The following PRR11 variants were observed in gnomAD, a reference collection of about 807,000 sequenced individuals.
The protein encoded by PRR11 is proline-rich protein 11.
Under a neutral mutation model 45.6 loss-of-function variants are expected in PRR11, and 30 were observed. The ratio of observed to expected loss-of-function variants is 0.66; its 90% CI spans 0.49 to 0.89. The LOEUF (loss-of-function observed/expected upper bound fraction) is 0.89, where lower values mean the gene tolerates loss of function less well. Ranked by LOEUF, PRR11 falls within the 40% of genes least tolerant of loss-of-function variation. The probability of loss-of-function intolerance (pLI) is 0.00; values close to 1 mark genes in which losing one functional copy is unlikely to be tolerated. For missense variants in PRR11, 373 were observed against 424.8 expected (o/e 0.88, Z 1.07); for synonymous variants, 128 against 153.5 (o/e 0.83, Z 1.23).
intron 2 of PRR11, among the ~76,000 whole-genome samples, chr17:59,173,359 G>T (rs755896729): frequency 3.3e-5 from 5 of 152,152 alleles, no homozygotes; most frequent in Admixed American, 6.5e-5. Context: ...CCACTTTCAC[G>T]CTGTGGAAGG....
intron 1 of PRR11, among the ~76,000 whole-genome samples, chr17:59,157,572 C>T (rs141036696): frequency 4.4e-4 from 67 of 152,112 alleles, no homozygotes; most frequent in Non-Finnish European, 8.4e-4. Flanking sequence ...TGTGGTGGCA[C>T]GCCCCTATAA....
rs8067347 is a variant in PRR11, at chr17:59,201,959, A to G, written c.*328A>G. On this transcript the variant is annotated 3_prime_UTR_variant, in exon 10 of 10. Transcript: ENST00000262293. ...GCACTCCAGCCTGAGCAACAAGAGC[A>G]AAACAAAAACAAACAAACAAACAAA... The G allele has an allele frequency of 0.95, 218,540 of 229,170 alleles. 104,866 individuals carry two copies. The highest frequency in any genetic ancestry group is 0.99 in the African/African-American group (44,589 of 44,922). 14.2% of individuals were successfully genotyped at this position (229,170 alleles called of 1,614,324 possible).
chr17:59,158,459 G>T (rs2046636432), intron 1 of PRR11, among the ~76,000 whole-genome samples: 1 of 152,130 alleles, frequency 6.6e-6, no homozygotes, highest in African/African-American at 2.4e-5. Flanking sequence ...CCATGTTTAT[G>T]TTAGAAAACA....
In PRR11 at chr17:59,177,140, T is replaced by G. The variant is rs533568355; in HGVS notation, c.128+7260T>G. On this transcript the variant is annotated intron_variant, in intron 2 of 9. Transcript: ENST00000262293. Reference sequence around the variant, plus strand: ...CCCGCTGTCCCAGGGTATTGGATATTGACAGATAGGAGGAAGCAAACCACT... The same window carrying G: ...CCCGCTGTCCCAGGGTATTGGATATGGACAGATAGGAGGAAGCAAACCACT... The G allele has an allele frequency of 7.3e-6, 4 of 550,854 alleles. No individual in the cohort carries two copies. In the African/African-American group the frequency reaches 7.6e-5, roughly 11 times the overall value. The allele number at this position is 550,854 out of a possible 1,614,324, so 34.1% of individuals were successfully genotyped here.
At chr17:59,181,489 G>A in intron 2 of PRR11, 5 of 1,111,560 alleles carry the variant, frequency 4.5e-6, no homozygotes, top group South Asian at 2.4e-5. Context: ...GATTGGAGGT[G>A]CTCTCTGGGG....
At chr17:59,176,479 T>C (rs1307782413) in intron 2 of PRR11, among the ~76,000 whole-genome samples, 5 of 152,122 alleles carry the variant, frequency 3.3e-5, no homozygotes, top group Non-Finnish European at 7.4e-5. Flanking sequence ...AACTGTTGCC[T>C]CTGTCATGGG....
In PRR11 at chr17:59,193,373, G is replaced by A. The variant is rs147034729; in HGVS notation, c.403-119G>A. On this transcript the variant is annotated intron_variant, in intron 4 of 9. Coordinates refer to ENST00000262293, the MANE Select transcript of PRR11 (RefSeq NM_018304.4). ...ATGATTATAAATGAGAAAATATCAG[G>A]AAGCACATGGTACGCTGAGAAAGCA... 5.5e-5 allele frequency: 68 copies of A among 1,230,202 alleles called. 1 individual carries two copies. In the East Asian group the frequency reaches 1.4e-3, roughly 25 times the overall value. The allele number at this position is 1,230,202 out of a possible 1,614,324, so 76.2% of individuals were successfully genotyped here.
rs1199923647 is a variant in PRR11, at chr17:59,191,350, C to T, written c.403-2142C>T. On this transcript the variant is annotated intron_variant, in intron 4 of 9. Transcript: ENST00000262293. ...TCTCCTGCCTCAGCCTCCCAAGTAGCTGGGATTACAGGTGCCCACCACCAC... is the reference window on the plus strand; with the variant it reads ...TCTCCTGCCTCAGCCTCCCAAGTAGTTGGGATTACAGGTGCCCACCACCAC... Among the ~76,000 whole-genome samples, 4 of 151,754 alleles carry T rather than the reference C, an allele frequency of 2.6e-5. No homozygotes were observed. In the East Asian group the frequency reaches 7.7e-4, roughly 29 times the overall value.
intron 4 of PRR11, among the ~76,000 whole-genome samples, chr17:59,190,161 GGGA>G (rs1419556494): frequency 6.6e-6 from 1 of 152,152 alleles, no homozygotes; most frequent in Non-Finnish European, 1.5e-5. Flanking sequence ...CAATGTACCA[GGGA>G]GGAGGATGAT....
intron 4 of PRR11, among the ~76,000 whole-genome samples, chr17:59,192,604 G>GCT: frequency 6.6e-6 from 1 of 152,128 alleles, no homozygotes; most frequent in South Asian, 2.1e-4. Context: ...GGCTGTCTTC[G>GCT]CTCTATGTCT....
chr17:59,186,687 A>G (rs1346125052), intron 4 of PRR11, among the ~76,000 whole-genome samples: 6 of 152,084 alleles, frequency 3.9e-5, no homozygotes. Context: ...GAGCCATGGC[A>G]CCTGGCTTGT....
chr17:59,192,520 C>T (rs1363611234), intron 4 of PRR11, among the ~76,000 whole-genome samples: 1 of 152,144 alleles, frequency 6.6e-6, no homozygotes, highest in South Asian at 2.1e-4. Context: ...AATTTACTTT[C>T]TCACAGTCTG....
At chr17:59,195,665 T>G (rs1447435323) in intron 7 of PRR11, among the ~76,000 whole-genome samples, 1 of 152,222 alleles carries the variant, frequency 6.6e-6, no homozygotes, top group Non-Finnish European at 1.5e-5. Flanking sequence ...GTTAACATAC[T>G]GCTGTTTATC....
intron 2 of PRR11, among the ~76,000 whole-genome samples, chr17:59,175,415 A>G (rs949544012): frequency 6.6e-6 from 1 of 152,220 alleles, no homozygotes; most frequent in Non-Finnish European, 1.5e-5. Context: ...ATTTGAGGCC[A>G]GGAGTTTGAG....
chr17:59,183,054 A>G (rs908476750), intron 2 of PRR11, among the ~76,000 whole-genome samples: 3 of 152,062 alleles, frequency 2.0e-5, no homozygotes, highest in Non-Finnish European at 4.4e-5. Context: ...AGTCCTTCCA[A>G]TCAGGAAGGT....
At chr17:59,190,871 G>A (rs544211291) in intron 4 of PRR11, among the ~76,000 whole-genome samples, 5 of 152,216 alleles carry the variant, frequency 3.3e-5, no homozygotes, top group Non-Finnish European at 5.9e-5. Flanking sequence ...ACCAGATCAC[G>A]TGGACTGAGG....
Position 59,178,011 on chromosome 17 carries a change from A to AC in PRR11, c.129-7043_129-7042insC, listed in dbSNP as rs2046758219. Among the ~76,000 whole-genome samples the AC allele has an allele frequency of 2.6e-5, 4 of 151,808 alleles. No individual in the cohort carries two copies. The South Asian group carries it at 8.3e-4, about 32-fold the overall frequency. ...AGCTAGATACTGTCTCGAAAAAAAA[A>AC]AAAAAACAGGTGGGCACCAAGACTC... On this transcript the variant is annotated intron_variant, in intron 2 of 9. Transcript: ENST00000262293.
rs5821252 is a variant in PRR11, at chr17:59,184,850, G to GTTT, written c.129-180_129-178dup. Among the ~76,000 whole-genome samples, 400 of 72,732 alleles carry GTTT rather than the reference G, an allele frequency of 5.5e-3. 40 individuals carry two copies. Among genetic ancestry groups the GTTT allele is most frequent in the African/African-American group, 0.022 (362 of 16,406 alleles). 47.7% of individuals were successfully genotyped at this position (72,732 alleles called of 152,430 possible). A position where few individuals can be genotyped will look rare whatever the true frequency, so the allele number is the denominator to read the frequency against. On this transcript the variant is annotated intron_variant, in intron 2 of 9. Coordinates refer to ENST00000262293, the MANE Select transcript of PRR11 (RefSeq NM_018304.4). Reference sequence around the variant, plus strand: ...CTGGCACACCACCATGCCTGATTAAGTTTTTTTTTTTTTTTTTTTTTTTTT... The same window carrying GTTT: ...CTGGCACACCACCATGCCTGATTAAGTTTTTTTTTTTTTTTTTTTTTTTTTTTT...
At chr17:59,164,766 C>G (rs909785956) in intron 1 of PRR11, among the ~76,000 whole-genome samples, 1 of 151,802 alleles carries the variant, frequency 6.6e-6, no homozygotes, top group Non-Finnish European at 1.5e-5. Flanking sequence ...GTAATCCCAG[C>G]TACTCCGGAA....
Sources: gnomAD v4.1 joint callset for allele counts (sites outside exome capture counted in the v4.1 genomes callset) on GRCh38, gnomAD v4.1.1 for gene constraint, MANE v1.5 for transcripts, NCBI Gene and HGNC (gene_info 2026-07-23, HGNC 2026-07-21) for gene names.